The following PDE4B variants were observed in gnomAD, a reference collection of about 807,000 sequenced individuals.
PDE4B encodes the protein 3',5'-cyclic-AMP phosphodiesterase 4B.
PDE4B carries 20 observed loss-of-function variants against 82.2 expected under a neutral mutation model. That is an observed-to-expected ratio of 0.24 (90% CI 0.17 to 0.35). The LOEUF (loss-of-function observed/expected upper bound fraction) is 0.35, where lower values mean the gene tolerates loss of function less well. Ranked by LOEUF, PDE4B falls within the 10% of genes least tolerant of loss-of-function variation. PDE4B has a pLI of 1.00. For missense variants in PDE4B, 655 were observed against 907.2 expected (o/e 0.72, Z 3.57); for synonymous variants, 320 against 318.9 (o/e 1.00, Z -0.04).
At chr1:66,100,839 T>A (rs899389021) in intron 3 of PDE4B, among the ~76,000 whole-genome samples, 19 of 152,162 alleles carry the variant, frequency 1.2e-4, no homozygotes, top group Non-Finnish European at 2.4e-4. Context: ...TTTATTTTTA[T>A]TTTTTATTAT....
chr1:66,012,246 T>C (rs948196931), intron 3 of PDE4B, among the ~76,000 whole-genome samples: 2 of 152,140 alleles, frequency 1.3e-5, no homozygotes, highest in Non-Finnish European at 2.9e-5. Flanking sequence ...GACATAGTCA[T>C]TGTGTTTGGA....
chr1:65,945,362 T>A (rs888036367), intron 3 of PDE4B, among the ~76,000 whole-genome samples: 1 of 152,024 alleles, frequency 6.6e-6, no homozygotes, highest in Non-Finnish European at 1.5e-5. Flanking sequence ...GTAAATATTT[T>A]GTAGATTCCA....
At chr1:66,085,195 C>T (rs893103483) in intron 3 of PDE4B, among the ~76,000 whole-genome samples, 2 of 152,170 alleles carry the variant, frequency 1.3e-5, no homozygotes, top group African/African-American at 4.8e-5. Flanking sequence ...TTGCAGGCAG[C>T]TGCGGGTTTA....
Position 65,883,001 on chromosome 1 carries a change from C to T in PDE4B, c.-70-30244C>T, listed in dbSNP as rs567525887. On this transcript the variant is annotated intron_variant, in intron 1 of 16. Transcript: ENST00000341517. Reference sequence around the variant, plus strand: ...TTTCCTGCATCACATTATTATTTATCTGACCTTGGGCGAACCATTTGTCCT... The same window carrying T: ...TTTCCTGCATCACATTATTATTTATTTGACCTTGGGCGAACCATTTGTCCT... Among the ~76,000 whole-genome samples the T allele has an allele frequency of 1.2e-4, 19 of 152,222 alleles. No homozygotes were observed. The East Asian group carries it at 3.5e-3, about 28-fold the overall frequency.
At chr1:66,224,720 A>AAAT (rs976859377) in intron 3 of PDE4B, among the ~76,000 whole-genome samples, 60 of 151,982 alleles carry the variant, frequency 3.9e-4, no homozygotes, top group Admixed American at 9.8e-4. Context: ...TCTGCCTCAA[A>AAAT]AATAATAATA....
At chr1:66,125,818 G>A (rs1263728394) in intron 3 of PDE4B, among the ~76,000 whole-genome samples, 2 of 152,000 alleles carry the variant, frequency 1.3e-5, no homozygotes, top group South Asian at 4.2e-4. Context: ...GTGTTGTTTT[G>A]TTTTTGAGAT....
chr1:65,964,518 G>A (rs1268524076), intron 3 of PDE4B, among the ~76,000 whole-genome samples: 4 of 152,160 alleles, frequency 2.6e-5, no homozygotes, highest in African/African-American at 9.6e-5. Flanking sequence ...AGAAAACTCT[G>A]TGTGTTTACA....
At chr1:66,032,950 G>A (rs1051879505) in intron 3 of PDE4B, among the ~76,000 whole-genome samples, 5 of 152,020 alleles carry the variant, frequency 3.3e-5, no homozygotes, top group East Asian at 1.9e-4. Flanking sequence ...CACCACGCCC[G>A]GCCTCATTTA....
intron 3 of PDE4B, among the ~76,000 whole-genome samples, chr1:66,141,354 A>ATATG (rs1646168000): frequency 7.2e-6 from 1 of 138,914 alleles, no homozygotes; most frequent in Admixed American, 7.2e-5. Flanking sequence ...ATATATATAT[A>ATATG]TATATATATA....
intron 3 of PDE4B, among the ~76,000 whole-genome samples, chr1:65,970,070 T>A (rs993576189): frequency 2.6e-5 from 4 of 152,004 alleles, no homozygotes; most frequent in Non-Finnish European, 4.4e-5. Flanking sequence ...GTATTATTTT[T>A]ATATTTATTA....
rs542017218 is a variant in PDE4B, at chr1:66,161,608, G to GTTA, written c.282-85837_282-85835dup. Among the ~76,000 whole-genome samples, 525 of 151,766 alleles carry GTTA rather than the reference G, an allele frequency of 3.5e-3. 4 individuals carry two copies. The highest frequency in any genetic ancestry group is 0.012 in the African/African-American group (495 of 41,380). ...TTAAGTTATGTACCAAACCTATAAG[G>GTTA]TTATTATTATTATTATTTATATTTC... On this transcript the variant is annotated intron_variant, in intron 3 of 16. Coordinates refer to ENST00000341517, the MANE Select transcript of PDE4B (RefSeq NM_002600.4).
At chr1:65,822,270 A>G (rs902923814) in intron 1 of PDE4B, among the ~76,000 whole-genome samples, 6 of 152,214 alleles carry the variant, frequency 3.9e-5, no homozygotes, top group African/African-American at 1.4e-4. Flanking sequence ...AGCTCAATTA[A>G]TTAATCTTCT....
At chr1:66,136,972 T>C (rs1646071705) in intron 3 of PDE4B, among the ~76,000 whole-genome samples, 1 of 152,172 alleles carries the variant, frequency 6.6e-6, no homozygotes, top group African/African-American at 2.4e-5. Context: ...TAGGAAAATA[T>C]TAGATTTTGC....
chr1:65,925,269 A>G (rs955421188), intron 3 of PDE4B, among the ~76,000 whole-genome samples: 2 of 152,160 alleles, frequency 1.3e-5, no homozygotes, highest in South Asian at 2.1e-4. Flanking sequence ...GCAGCAAACC[A>G]CCATGGCACA....
chr1:66,186,249 A>G (rs1647208436), intron 3 of PDE4B, among the ~76,000 whole-genome samples: 1 of 152,110 alleles, frequency 6.6e-6, no homozygotes, highest in Non-Finnish European at 1.5e-5. Flanking sequence ...CTCATTGTAT[A>G]ATTTGAAGTC....
chr1:65,941,286 A>G (rs1648434116), intron 3 of PDE4B, among the ~76,000 whole-genome samples: 1 of 152,050 alleles, frequency 6.6e-6, no homozygotes, highest in Admixed American at 6.6e-5. Context: ...GAATGCCTGG[A>G]TCCTGGGACA....
chr1:66,096,520 A>ATATATATGTATATATATATATATATG (rs145826895), intron 3 of PDE4B, among the ~76,000 whole-genome samples: 2 of 130,986 alleles, frequency 1.5e-5, no homozygotes, highest in Non-Finnish European at 1.6e-5. Context: ...ATATATATAT[A>ATATATATGTATATATATATATATATG]TATATATATA....
chr1:66,308,942 C>A (rs1214984129), intron 7 of PDE4B, among the ~76,000 whole-genome samples: 2 of 152,038 alleles, frequency 1.3e-5, no homozygotes. Context: ...CTACAAACAG[C>A]CTTGTAATTA....
chr1:65,808,345 G>T lies in PDE4B; in HGVS notation c.-71+15097G>T, dbSNP rs183856790. Among the ~76,000 whole-genome samples the T allele has an allele frequency of 3.3e-5, 5 of 151,954 alleles. No individual in the cohort carries two copies. The South Asian group carries it at 1.0e-3, about 32-fold the overall frequency. Reference sequence around the variant, plus strand: ...CACCACCACACCTGGCTAATTTAAAGAAATTGTAGAGACAGGGTCTTGCTA... The same window carrying T: ...CACCACCACACCTGGCTAATTTAAATAAATTGTAGAGACAGGGTCTTGCTA... On this transcript the variant is annotated intron_variant, in intron 1 of 16. Coordinates refer to ENST00000341517, the MANE Select transcript of PDE4B (RefSeq NM_002600.4).
Sources: gnomAD v4.1 joint callset for allele counts (sites outside exome capture counted in the v4.1 genomes callset) on GRCh38, gnomAD v4.1.1 for gene constraint, MANE v1.5 for transcripts, NCBI Gene and HGNC (gene_info 2026-07-23, HGNC 2026-07-21) for gene names.